TEX2: variants seen among roughly 807,000 people sequenced by gnomAD.
TEX2 encodes testis expressed 2, also known as testis-expressed protein 2.
Under a neutral mutation model 106.9 loss-of-function variants are expected in TEX2, and 53 were observed. That is an observed-to-expected ratio of 0.50 (90% CI 0.40 to 0.62). The LOEUF (loss-of-function observed/expected upper bound fraction) is 0.62. TEX2 is among the 20% of genes least tolerant of loss of function. The probability of loss-of-function intolerance (pLI) is 0.00; values close to 1 mark genes in which losing one functional copy is unlikely to be tolerated. For missense variants in TEX2, 1,207 were observed against 1,379.0 expected (o/e 0.88, Z 1.98); for synonymous variants, 523 against 534.8 (o/e 0.98, Z 0.30).
In TEX2 at chr17:64,150,821, A is replaced by G. The variant is rs781593129; in HGVS notation, c.3261+20T>C. On this transcript the variant is annotated intron_variant, in intron 11 of 11. Transcript: ENST00000584379. ...GCTTCTATACTTGGTGTGAAATACT[A>G]GATAACACTAGAGGTTTACCTGAAA... The G allele has an allele frequency of 4.4e-6, 7 of 1,606,726 alleles. No individual in the cohort carries two copies. The East Asian group carries it at 6.7e-5, about 15-fold the overall frequency.
At chr17:64,206,864 T>C (rs782578105) in intron 2 of TEX2, among the ~76,000 whole-genome samples, 4 of 152,088 alleles carry the variant, frequency 2.6e-5, no homozygotes, top group Non-Finnish European at 4.4e-5. Flanking sequence ...ACACCCGGCC[T>C]CTTTTTTACT....
chr17:64,208,222 T>C (rs2032895575), intron 2 of TEX2, among the ~76,000 whole-genome samples: 1 of 130,338 alleles, frequency 7.7e-6, no homozygotes, highest in Non-Finnish European at 1.8e-5. Flanking sequence ...AGCTTTACTG[T>C]TTTGTTTTTG....
chr17:64,158,188 A>G (rs1430126480), intron 8 of TEX2, among the ~76,000 whole-genome samples: 1 of 152,256 alleles, frequency 6.6e-6, no homozygotes. Flanking sequence ...GCAAAGCTAC[A>G]CAGGTTAAAA....
intron 2 of TEX2, among the ~76,000 whole-genome samples, chr17:64,198,204 T>C (rs1252797310): frequency 1.3e-5 from 2 of 151,918 alleles, no homozygotes; most frequent in Non-Finnish European, 2.9e-5. Context: ...TATAAATATA[T>C]TTATTTGTCT....
At chr17:64,224,435 G>A (rs1598202421) in intron 1 of TEX2, among the ~76,000 whole-genome samples, 1 of 152,188 alleles carries the variant, frequency 6.6e-6, no homozygotes, top group Non-Finnish European at 1.5e-5. Context: ...AGAACTGCCA[G>A]CAGCCATTCT....
At chr17:64,243,877 C>T (rs1319342953) in intron 1 of TEX2, among the ~76,000 whole-genome samples, 2 of 146,806 alleles carry the variant, frequency 1.4e-5, no homozygotes, top group East Asian at 2.0e-4. Flanking sequence ...GGTGGGATCT[C>T]GGCTCACTAC....
intron 4 of TEX2, among the ~76,000 whole-genome samples, chr17:64,188,786 A>C (rs1383769273): frequency 6.6e-6 from 1 of 151,582 alleles, no homozygotes; most frequent in Non-Finnish European, 1.5e-5. Context: ...ACTGCACTCC[A>C]GTCTGGGCAA....
In TEX2 at chr17:64,188,346, T is replaced by TTGC. The variant is rs1598157180; in HGVS notation, c.2243_2245dup (p.Ser748dup). 6.2e-7 allele frequency: 1 copy of TTGC among 1,614,200 alleles called. No individual in the cohort carries two copies. The highest frequency in any genetic ancestry group is 1.1e-5 in the South Asian group (1 of 91,088). ...TGACATGATCTCCTCCACACTGCCT[T>TTGC]TGCTGCTGCTGCGGCTGTGGGTCAG... On this transcript the variant is annotated inframe_insertion, in exon 5 of 12. Coordinates refer to ENST00000584379, the MANE Select transcript of TEX2 (RefSeq NM_001288732.2).
intron 7 of TEX2, among the ~76,000 whole-genome samples, chr17:64,168,902 CTT>C (rs3070736): frequency 3.7e-5 from 4 of 106,954 alleles, no homozygotes; most frequent in East Asian, 3.1e-4. Context: ...ATAGATGGTG[CTT>C]TTTTTTTTTT....
In TEX2 at chr17:64,155,192, GA is replaced by G. The variant is rs559467218; in HGVS notation, c.2805-226del. ...GACACTCTTCAGCACCAAGGCCTCT[GA>G]CAGGACCACAGAGGCCTTGGACCCA... On this transcript the variant is annotated intron_variant, in intron 8 of 11. Coordinates refer to ENST00000584379, the MANE Select transcript of TEX2 (RefSeq NM_001288732.2). 37 of 428,684 alleles carry G rather than the reference GA, an allele frequency of 8.6e-5. No individual in the cohort carries two copies. In the South Asian group the frequency reaches 1.7e-3, roughly 20 times the overall value. The allele number at this position is 428,684 out of a possible 1,614,324, so 26.6% of individuals were successfully genotyped here.
chr17:64,165,076 A>T (rs2031065466), intron 7 of TEX2, among the ~76,000 whole-genome samples: 1 of 152,202 alleles, frequency 6.6e-6, no homozygotes, highest in South Asian at 2.1e-4. Context: ...AACTATTAAC[A>T]GCTGATTTCA....
At chr17:64,225,452 C>T (rs2033478330) in intron 1 of TEX2, among the ~76,000 whole-genome samples, 1 of 152,118 alleles carries the variant, frequency 6.6e-6, no homozygotes, top group African/African-American at 2.4e-5. Flanking sequence ...AGTTCAGGAG[C>T]AGGCAATCAA....
intron 5 of TEX2, among the ~76,000 whole-genome samples, chr17:64,181,446 A>G (rs1598149033): frequency 7.7e-6 from 1 of 129,238 alleles, no homozygotes; most frequent in Non-Finnish European, 1.5e-5. Context: ...ACTGTACTCC[A>G]CCCTGGCCAC....
At chr17:64,201,647 G>A (rs1358131557) in intron 2 of TEX2, among the ~76,000 whole-genome samples, 1 of 152,028 alleles carries the variant, frequency 6.6e-6, no homozygotes, top group Non-Finnish European at 1.5e-5. Flanking sequence ...CCATGGCACG[G>A]CCCCACCTGC....
At chr17:64,161,916 T>C (rs1052948483) in intron 7 of TEX2, among the ~76,000 whole-genome samples, 5 of 152,092 alleles carry the variant, frequency 3.3e-5, no homozygotes, top group African/African-American at 1.2e-4. Context: ...AAAACCATCG[T>C]TCACATACAG....
At chr17:64,200,955 A>G (rs180946437) in intron 2 of TEX2, among the ~76,000 whole-genome samples, 3 of 152,272 alleles carry the variant, frequency 2.0e-5, no homozygotes, top group Admixed American at 2.0e-4. Context: ...TGTGTTAAAG[A>G]TTCATCAGAT....
At chr17:64,155,017 CT>C (rs2030552041) in intron 8 of TEX2, 50 bp from the exon 9 acceptor site, 33 of 1,499,640 alleles carry the variant, frequency 2.2e-5, no homozygotes, top group Non-Finnish European at 2.7e-5. Flanking sequence ...CCAAGCTCTG[CT>C]TAGAAAGAGA....
At chr17:64,170,958 C>T (rs2143731190) in intron 7 of TEX2, 142 bp downstream of exon 7, 1 of 682,590 alleles carries the variant, frequency 1.5e-6, no homozygotes, top group South Asian at 1.9e-5. Flanking sequence ...AAGGCCATGA[C>T]TGGTAAGAAC....
At chr17:64,223,712 T>C (rs1467693092) in intron 1 of TEX2, among the ~76,000 whole-genome samples, 1 of 102,862 alleles carries the variant, frequency 9.7e-6, no homozygotes, top group Non-Finnish European at 2.2e-5. Flanking sequence ...TAACAGAGCA[T>C]CTTTTTTTTT....
Sources: gnomAD v4.1 joint callset for allele counts (sites outside exome capture counted in the v4.1 genomes callset) on GRCh38, gnomAD v4.1.1 for gene constraint, MANE v1.5 for transcripts, NCBI Gene and HGNC (gene_info 2026-07-23, HGNC 2026-07-21) for gene names.